Variants in SCOC observed in about 807,000 individuals in gnomAD.
SCOC encodes short coiled-coil protein, also known as short coiled coil protein.
Under a neutral mutation model 9.9 loss-of-function variants are expected in SCOC, and 7 were observed. The ratio of observed to expected loss-of-function variants is 0.71; its 90% CI spans 0.40 to 1.33. SCOC has a LOEUF of 1.33. Ranked by LOEUF, SCOC falls within the 40% of genes most tolerant of loss-of-function variation. SCOC has a pLI of 0.01. For missense variants in SCOC, 66 were observed against 89.7 expected, an observed-to-expected ratio of 0.74 and a Z score of 1.07; for synonymous variants, 19 against 28.2, an observed-to-expected ratio of 0.67 and a Z score of 1.03.
Position 140,379,686 on chromosome 4 carries a change from A to G in SCOC, c.106+34A>G, listed in dbSNP as rs1311619796. 5.5e-6 allele frequency: 8 copies of G among 1,465,396 alleles called. No individual in the cohort carries two copies. The Admixed American group carries it at 1.1e-4, about 21-fold the overall frequency. The allele number at this position is 1,465,396 out of a possible 1,614,324, so 90.8% of individuals were successfully genotyped here. A position where few individuals can be genotyped will look rare whatever the true frequency, so the allele number is the denominator to read the frequency against. On this transcript the variant is annotated intron_variant, in intron 3 of 3. Coordinates refer to ENST00000608372, the MANE Select transcript of SCOC (RefSeq NM_001153484.2). ...GCATTTTGTAGTTTATTTGAATGAC[A>G]GCCAATTAATTGAACTTGTAAAAAT...
In SCOC at chr4:140,379,606, A is replaced by T; in HGVS notation, c.60A>T (p.Lys20Asn). Residue 20 changes from lysine to asparagine, a missense_variant, in exon 3 of 4, where the codon AAA becomes AAT. Coordinates refer to ENST00000608372, the MANE Select transcript of SCOC (RefSeq NM_001153484.2). ...DAENQVELEE[K>N]TRLINQVLEL... ...AAAATCAAGTGGAACTGGAGGAAAA[A>T]ACAAGACTTATTAATCAAGTGTTGG... 1 of 1,612,936 alleles carries T rather than the reference A, an allele frequency of 6.2e-7. No homozygotes were observed. The highest frequency in any genetic ancestry group is 8.5e-7 in the Non-Finnish European group (1 of 1,179,676).
chr4:140,278,735 G>A (rs1277054164), intron 1 of SCOC, among the ~76,000 whole-genome samples: 1 of 152,182 alleles, frequency 6.6e-6, no homozygotes, highest in Non-Finnish European at 1.5e-5. Flanking sequence ...CATAGCAGGT[G>A]AGATTCCCTT....
chr4:140,315,006 G>A (rs1235608747), intron 1 of SCOC, among the ~76,000 whole-genome samples: 2 of 152,008 alleles, frequency 1.3e-5, no homozygotes, highest in Non-Finnish European at 2.9e-5. Flanking sequence ...TCTAACATTG[G>A]GTCACAGTTT....
upstream of SCOC, among the ~76,000 whole-genome samples, chr4:140,372,620 T>C (rs965492550): frequency 1.3e-5 from 2 of 152,212 alleles, no homozygotes; most frequent in African/African-American, 4.8e-5. Context: ...GCCAAATGCA[T>C]AGTTCTCAAA....
At chr4:140,374,453 C>T in intron 1 of SCOC, 1 of 261,012 alleles carries the variant, frequency 3.8e-6, no homozygotes, top group South Asian at 3.4e-5. Flanking sequence ...ACCTCTATTC[C>T]TGATTAAAAT....
chr4:140,269,698 G>A (rs1406489470), intron 1 of SCOC, among the ~76,000 whole-genome samples: 1 of 152,142 alleles, frequency 6.6e-6, no homozygotes, highest in African/African-American at 2.4e-5. Context: ...TGCAGCAATG[G>A]CTAACGAGAA....
chr4:140,312,774 A>G (rs947645949), intron 1 of SCOC, among the ~76,000 whole-genome samples: 1 of 152,188 alleles, frequency 6.6e-6, no homozygotes, highest in South Asian at 2.1e-4. Context: ...AAGTAAAATT[A>G]TCCTTAAATC....
intron 2 of SCOC, among the ~76,000 whole-genome samples, chr4:140,365,339 T>C (rs1727745008): frequency 6.6e-6 from 1 of 152,172 alleles, no homozygotes; most frequent in Non-Finnish European, 1.5e-5. Context: ...GAAGAGGCAG[T>C]GCCAGAAAAA....
Position 140,373,668 on chromosome 4 carries a change from G to C in SCOC, c.-100G>C, listed in dbSNP as rs1466479937. ...GGGGTCAGTTGGTCCAAGTGTCCCG[G>C]CCTGAGGTGTCGGCCGGATCCCTCC... On this transcript the variant is annotated 5_prime_UTR_variant, in exon 1 of 4. Coordinates refer to ENST00000608372, the MANE Select transcript of SCOC (RefSeq NM_001153484.2). 5.2e-6 allele frequency: 8 copies of C among 1,551,222 alleles called. No individual in the cohort carries two copies. The highest frequency in any genetic ancestry group is 2.4e-5 in the East Asian group (1 of 40,892).
At chr4:140,298,142 C>T (rs1731705866) in intron 1 of SCOC, among the ~76,000 whole-genome samples, 1 of 152,102 alleles carries the variant, frequency 6.6e-6, no homozygotes. Flanking sequence ...TGCTGGCCTC[C>T]CCGGAGGTGT....
At chr4:140,281,082 C>A (rs1035060947) in intron 1 of SCOC, among the ~76,000 whole-genome samples, 6 of 152,114 alleles carry the variant, frequency 3.9e-5, no homozygotes. Context: ...CTGGGCATCC[C>A]ATCTCATCCT....
intron 1 of SCOC, among the ~76,000 whole-genome samples, chr4:140,377,939 A>G (rs1412938714): frequency 1.3e-5 from 2 of 152,198 alleles, no homozygotes; most frequent in Non-Finnish European, 2.9e-5. Context: ...TCAATGTAGT[A>G]GATTAGATTG....
chr4:140,368,542 G>A (rs1385369098), intron 2 of SCOC, among the ~76,000 whole-genome samples: 2 of 152,170 alleles, frequency 1.3e-5, no homozygotes. Flanking sequence ...CAATTTAGAA[G>A]TTGATTTTGC....
chr4:140,275,457 C>G (rs914425289), intron 1 of SCOC, among the ~76,000 whole-genome samples: 13 of 152,326 alleles, frequency 8.5e-5, no homozygotes, highest in Middle Eastern at 3.4e-3. Flanking sequence ...CATCCGTCTT[C>G]CCCCTAAATC....
At chr4:140,368,182 C>T (rs1425842203) in intron 2 of SCOC, among the ~76,000 whole-genome samples, 3 of 152,142 alleles carry the variant, frequency 2.0e-5, no homozygotes, top group Non-Finnish European at 4.4e-5. Flanking sequence ...AGAACAAGAA[C>T]CCAGGTTTCT....
chr4:140,325,061 C>T (rs1450473130), intron 1 of SCOC, among the ~76,000 whole-genome samples: 1 of 151,848 alleles, frequency 6.6e-6, no homozygotes, highest in African/African-American at 2.4e-5. Flanking sequence ...AACAAAGGTG[C>T]CAAGACAATG....
At chr4:140,329,413 C>T (rs1387599013) in intron 1 of SCOC, among the ~76,000 whole-genome samples, 1 of 152,062 alleles carries the variant, frequency 6.6e-6, no homozygotes, top group African/African-American at 2.4e-5. Context: ...GACCAAGAAC[C>T]CAAAAGCAAA....
chr4:140,331,788 G>A (rs1400480654), intron 1 of SCOC, among the ~76,000 whole-genome samples: 1 of 152,048 alleles, frequency 6.6e-6, no homozygotes, highest in African/African-American at 2.4e-5. Flanking sequence ...ATCTTCACCT[G>A]CTCACTGAAC....
chr4:140,354,222 C>A (rs1035095582), intron 2 of SCOC, among the ~76,000 whole-genome samples: 1 of 151,956 alleles, frequency 6.6e-6, no homozygotes, highest in African/African-American at 2.4e-5. Context: ...TGTTTCTTAT[C>A]ATTCTTTTTT....
Sources: allele counts gnomAD v4.1 joint callset (sites outside exome capture counted in the v4.1 genomes callset), GRCh38; gene constraint gnomAD v4.1.1; transcripts MANE v1.5; gene names NCBI Gene and HGNC (gene_info 2026-07-23, HGNC 2026-07-21).